FGF2: variants seen among roughly 807,000 people sequenced by gnomAD.
The protein encoded by FGF2 is fibroblast growth factor 2, also known as basic fibroblast growth factor bFGF.
A neutral mutation model predicts 15.9 loss-of-function variants in FGF2; 13 were observed. The ratio of observed to expected loss-of-function variants is 0.82; its 90% CI spans 0.53 to 1.30. The LOEUF is 1.30. Ranked by LOEUF, FGF2 falls within the 50% of genes most tolerant of loss-of-function variation. The pLI is 0.00. For synonymous variants in FGF2, 90 were observed against 78.4 expected, an observed-to-expected ratio of 1.15 and a Z score of -0.78; for missense variants, 163 against 196.9, an observed-to-expected ratio of 0.83 and a Z score of 1.03.
At chr4:122,832,539 G>A (rs1168766695) in intron 1 of FGF2, among the ~76,000 whole-genome samples, 1 of 152,176 alleles carries the variant, frequency 6.6e-6, no homozygotes, top group African/African-American at 2.4e-5. Flanking sequence ...GAGCCACCGT[G>A]CCCAGCCTGG....
chr4:122,873,807 T>C (rs73844949), intron 1 of FGF2, among the ~76,000 whole-genome samples: 1 of 151,614 alleles, frequency 6.6e-6, no homozygotes, highest in Non-Finnish European at 1.5e-5. Flanking sequence ...TTTTTAAAAC[T>C]TGTAATTTAA....
chr4:122,837,198 G>T (rs1162306758), intron 1 of FGF2, among the ~76,000 whole-genome samples: 2 of 152,186 alleles, frequency 1.3e-5, no homozygotes, highest in Non-Finnish European at 2.9e-5. Context: ...TAAGAGGATA[G>T]AAATTGTATG....
At chr4:122,866,316 C>G (rs977551728) in intron 1 of FGF2, among the ~76,000 whole-genome samples, 21 of 150,538 alleles carry the variant, frequency 1.4e-4, no homozygotes, top group Non-Finnish European at 2.1e-4. Context: ...TGCAGTGAGC[C>G]GAGATTGCGC....
chr4:122,882,283 C>T (rs570346981), intron 2 of FGF2: 5 of 152,250 alleles, frequency 3.3e-5, no homozygotes, highest in Non-Finnish European at 7.4e-5. Flanking sequence ...TAAAAAGACC[C>T]ATTGTTGTTA....
intron 2 of FGF2, among the ~76,000 whole-genome samples, chr4:122,890,843 G>T (rs1459708570): frequency 6.6e-6 from 1 of 151,956 alleles, no homozygotes; most frequent in Non-Finnish European, 1.5e-5. Flanking sequence ...ATATTTATGT[G>T]TTTAGATAAA....
At chr4:122,833,199 G>A (rs1683272275) in intron 1 of FGF2, among the ~76,000 whole-genome samples, 1 of 152,046 alleles carries the variant, frequency 6.6e-6, no homozygotes, top group African/African-American at 2.4e-5. Context: ...GTGTGTGTGT[G>A]TGTATGTGTG....
chr4:122,839,691 C>T (rs1286717752), intron 1 of FGF2, among the ~76,000 whole-genome samples: 1 of 152,142 alleles, frequency 6.6e-6, no homozygotes, highest in Non-Finnish European at 1.5e-5. Flanking sequence ...AGGCCCTGTC[C>T]ATTTCATTTC....
Position 122,827,343 on chromosome 4 carries a change from G to A in FGF2, c.169G>A (p.Asp57Asn). ...AGTTGACGGGGTCCGGGAGAAGAGC[G>A]ACCCTCACAGTGAGTGCCGACCCGC... ...GRVDGVREKS[D>N]PHIKLQLQAE... Residue 57 changes from aspartate to asparagine, a missense_variant, in exon 1 of 3, where the codon GAC becomes AAC. Asp to Asn is a conservative substitution (Grantham distance 23). Coordinates refer to ENST00000644866, the MANE Select transcript of FGF2 (RefSeq NM_001361665.2). This position sits in a 1 kb window ranked among gnomAD's most constrained non-coding sequence, Gnocchi z 4.2. 1 of 1,612,816 alleles carries A rather than the reference G, an allele frequency of 6.2e-7. No individual in the cohort carries two copies. Among genetic ancestry groups the A allele is most frequent in the Non-Finnish European group, 8.5e-7 (1 of 1,179,864 alleles).
In FGF2 at chr4:122,893,124, C is replaced by CA. The variant is rs1285985072; in HGVS notation, c.*732dup. The CA allele has an allele frequency of 6.2e-7, 1 of 1,614,148 alleles. No individual in the cohort carries two copies. Among genetic ancestry groups the CA allele is most frequent in the Non-Finnish European group, 8.5e-7 (1 of 1,180,024 alleles). On this transcript the variant is annotated 3_prime_UTR_variant, in exon 3 of 3. Transcript: ENST00000644866. ...CAGATGATATACATATCTGACTTCC[C>CA]AAAAGCTCCAGGATTTGTGTGCTGT...
intron 1 of FGF2, among the ~76,000 whole-genome samples, chr4:122,861,142 G>C (rs980570872): frequency 6.6e-6 from 1 of 151,908 alleles, no homozygotes. Flanking sequence ...TTTAATCTGC[G>C]CTGGCTACAC....
At chr4:122,886,974 G>A (rs1727072206) in intron 2 of FGF2, among the ~76,000 whole-genome samples, 1 of 152,118 alleles carries the variant, frequency 6.6e-6, no homozygotes, top group Admixed American at 6.5e-5. Flanking sequence ...ACTAGCCTGG[G>A]TATATACATG....
At position 122,896,614 on chromosome 4, in the gene FGF2, G is replaced by A. The variant is rs1385197876; in HGVS notation, c.*4218G>A. On this transcript the variant is annotated 3_prime_UTR_variant, in exon 3 of 3. Coordinates refer to ENST00000644866, the MANE Select transcript of FGF2 (RefSeq NM_001361665.2). ...CAACAGAAGAATAAGCATAAACTAA[G>A]CAAAAGGTCAATAAGTACCTGAAAC... 2 of 152,022 alleles carry A rather than the reference G, an allele frequency of 1.3e-5. No homozygotes were observed. Among genetic ancestry groups the A allele is most frequent in the African/African-American group, 4.8e-5 (2 of 41,368 alleles). 9.4% of individuals were successfully genotyped at this position (152,022 alleles called of 1,614,324 possible). A position where few individuals can be genotyped will look rare whatever the true frequency, so the allele number is the denominator to read the frequency against.
chr4:122,848,618 G>A (rs530659422), intron 1 of FGF2, among the ~76,000 whole-genome samples: 12 of 152,220 alleles, frequency 7.9e-5, no homozygotes, highest in Non-Finnish European at 1.6e-4. Flanking sequence ...CTGTTTCTGA[G>A]GATATGGGCC....
Position 122,827,119 on chromosome 4 carries a change from C to G in FGF2, c.-56C>G. 7.8e-7 allele frequency: 1 copy of G among 1,277,430 alleles called. No individual in the cohort carries two copies. The highest frequency in any genetic ancestry group is 9.9e-7 in the Non-Finnish European group (1 of 1,014,900). The allele number at this position is 1,277,430 out of a possible 1,614,324, so 79.1% of individuals were successfully genotyped here. On this transcript the variant is annotated 5_prime_UTR_variant, in exon 1 of 3. Transcript: ENST00000644866. The surrounding 1 kb of genome is among the most constrained non-coding windows in gnomAD (Gnocchi z 4.2). ...GGCCGGGGCCGGGGCCGGGGGACGG[C>G]GGCTCCCCGCGCGGCTCCAGCGGCT...
Position 122,892,930 on chromosome 4 carries a change from G to A in FGF2, c.*534G>A. The A allele has an allele frequency of 6.2e-7, 1 of 1,614,100 alleles. No homozygotes were observed. Among genetic ancestry groups the A allele is most frequent in the Non-Finnish European group, 8.5e-7 (1 of 1,180,018 alleles). Reference sequence around the variant, plus strand: ...CTGCTGGAAGTTCTTCCACAGTCAGGTCAATTTTGTCAAACCCTTCTCTGT... The same window carrying A: ...CTGCTGGAAGTTCTTCCACAGTCAGATCAATTTTGTCAAACCCTTCTCTGT... On this transcript the variant is annotated 3_prime_UTR_variant, in exon 3 of 3. Transcript: ENST00000644866.
chr4:122,869,954 A>G (rs1367998524), intron 1 of FGF2, among the ~76,000 whole-genome samples: 1 of 152,130 alleles, frequency 6.6e-6, no homozygotes, highest in Non-Finnish European at 1.5e-5. Context: ...CCCATTCAAT[A>G]TATTGGCTGT....
chr4:122,845,078 T>C (rs1220884785), intron 1 of FGF2, among the ~76,000 whole-genome samples: 3 of 152,242 alleles, frequency 2.0e-5, no homozygotes, highest in Non-Finnish European at 4.4e-5. Flanking sequence ...GCAAAATGGA[T>C]GTTGTGTTAG....
intron 1 of FGF2, among the ~76,000 whole-genome samples, chr4:122,866,783 A>G (rs986184367): frequency 1.3e-5 from 2 of 152,224 alleles, no homozygotes; most frequent in African/African-American, 4.8e-5. Context: ...AGTTCCACAA[A>G]TGATTAAACA....
At chr4:122,844,296 C>A (rs1218720271) in intron 1 of FGF2, among the ~76,000 whole-genome samples, 5 of 152,176 alleles carry the variant, frequency 3.3e-5, no homozygotes, top group Non-Finnish European at 5.9e-5. Flanking sequence ...TGTAGCAAGT[C>A]AGTCACATCT....
Sources: gnomAD v4.1 joint callset for allele counts (sites outside exome capture counted in the v4.1 genomes callset) on GRCh38, gnomAD v4.1.1 for gene constraint, Gnocchi (gnomAD v3.1) non-coding constraint, MANE v1.5 for transcripts, NCBI Gene and HGNC (gene_info 2026-07-23, HGNC 2026-07-21) for gene names.